The following CCDC7 variants were observed in gnomAD, a reference collection of about 807,000 sequenced individuals.
CCDC7 encodes coiled-coil domain-containing protein 7.
In CCDC7, 183 loss-of-function variants were observed where a neutral mutation model predicts 196.9. The observed-to-expected ratio is 0.93, with a 90% CI of 0.82 to 1.05. The LOEUF is 1.05. Ranked by LOEUF, CCDC7 falls within the 50% of genes least tolerant of loss-of-function variation. The pLI, the probability that CCDC7 is intolerant of heterozygous loss-of-function variation, is 0.00. For missense variants in CCDC7, 1,540 were observed against 1,482.2 expected (o/e 1.04, Z -0.64); for synonymous variants, 525 against 484.6 (o/e 1.08, Z -1.10).
At chr10:32,637,548 G>A (rs11009009) in intron 20 of CCDC7, among the ~76,000 whole-genome samples, 21,006 of 151,996 alleles carry the variant, frequency 0.14, 1,752 homozygotes, top group East Asian at 0.25. Flanking sequence ...GTAGATATGC[G>A]GCATTATTTC....
chr10:32,601,787 T>G (rs975502276), intron 18 of CCDC7, among the ~76,000 whole-genome samples: 4 of 152,094 alleles, frequency 2.6e-5, no homozygotes, highest in African/African-American at 9.7e-5. Context: ...GGATTGTAAA[T>G]GCACCAATCA....
In CCDC7 at chr10:32,726,765, A is replaced by G. The variant is rs765199889; in HGVS notation, c.2601A>G (p.Gln867=). 12 of 1,603,028 alleles carry G rather than the reference A, an allele frequency of 7.5e-6. No individual in the cohort carries two copies. The African/African-American group carries it at 1.2e-4, about 16-fold the overall frequency. Reference sequence around the variant, plus strand: ...ATAAAAATTCTATGTTTGTTCATCAAGATTCAGTGTCAAAACTCCAAATGC... The same window carrying G: ...ATAAAAATTCTATGTTTGTTCATCAGGATTCAGTGTCAAAACTCCAAATGC... Residue 867 remains glutamine, a synonymous_variant, in exon 26 of 42, where the codon CAA becomes CAG. Coordinates refer to ENST00000639629, the Ensembl canonical transcript of CCDC7.
rs2065297508 is a variant in CCDC7 at position 32,634,381 on chromosome 10, T to C, written c.1912+17T>C. 1 of 953,132 alleles carries C rather than the reference T, an allele frequency of 1.0e-6. No homozygotes were observed. Among genetic ancestry groups the C allele is most frequent in the Non-Finnish European group, 1.4e-6 (1 of 734,374 alleles). 59.0% of individuals were successfully genotyped at this position (953,132 alleles called of 1,614,324 possible). A position where few individuals can be genotyped will look rare whatever the true frequency, so the allele number is the denominator to read the frequency against. On this transcript the variant is annotated intron_variant, in intron 19 of 41. Transcript: ENST00000639629. ...GACATGAGGGTAAGTATAATAATTA[T>C]ACATATCTTTACACTATTTTATTTT...
intron 28 of CCDC7, among the ~76,000 whole-genome samples, chr10:32,765,904 A>G (rs1592530637): frequency 6.6e-6 from 1 of 152,086 alleles, no homozygotes; most frequent in South Asian, 2.1e-4. Context: ...GTGAAGAAGC[A>G]GTTTTCTTTT....
At chr10:32,697,678 G>A (rs796237796) in intron 24 of CCDC7, among the ~76,000 whole-genome samples, 9 of 152,254 alleles carry the variant, frequency 5.9e-5, no homozygotes, top group African/African-American at 1.9e-4. Context: ...TGGGAAGCTC[G>A]AACTAGGTGG....
intron 25 of CCDC7, among the ~76,000 whole-genome samples, chr10:32,720,528 A>T (rs1217947714): frequency 1.3e-5 from 2 of 152,112 alleles, no homozygotes; most frequent in Non-Finnish European, 2.9e-5. Flanking sequence ...CCTATGTAAC[A>T]AGCCTGCATG....
intron 41 of CCDC7, among the ~76,000 whole-genome samples, chr10:32,856,727 G>C (rs1000102086): frequency 5.3e-5 from 8 of 152,096 alleles, no homozygotes; most frequent in African/African-American, 1.7e-4. Context: ...AGCCTGAATT[G>C]CAATTGTACC....
At chr10:32,696,773 A>G (rs1591696034) in intron 24 of CCDC7, among the ~76,000 whole-genome samples, 3 of 152,164 alleles carry the variant, frequency 2.0e-5, no homozygotes, top group African/African-American at 4.8e-5. Context: ...TGTGTGCCCA[A>G]TGACTATTTT....
At chr10:32,499,423 T>C (rs970042358) in intron 9 of CCDC7, 4 of 152,168 alleles carry the variant, frequency 2.6e-5, no homozygotes, top group Admixed American at 1.3e-4. Flanking sequence ...AATTATCTTC[T>C]GCTCTTCTGC....
chr10:32,872,350 A>G lies in CCDC7; in HGVS notation c.4112-3997A>G, dbSNP rs2094459672. 2.6e-5 allele frequency among the ~76,000 whole-genome samples: 4 copies of G among 151,856 alleles called. No individual in the cohort carries two copies. The South Asian group carries it at 8.3e-4, about 32-fold the overall frequency. On this transcript the variant is annotated intron_variant, in intron 41 of 41. Coordinates refer to ENST00000639629, the Ensembl canonical transcript of CCDC7. ...GATCTTTGTTGGTTTATCAGAGACT[A>G]GGATTGCAACCCCTGCCTTTTTTTG...
chr10:32,657,197 A>G (rs2070133106), intron 20 of CCDC7, among the ~76,000 whole-genome samples: 1 of 152,148 alleles, frequency 6.6e-6, no homozygotes, highest in Non-Finnish European at 1.5e-5. Flanking sequence ...GCAAGCTGTC[A>G]GTGGATCTTC....
intron 8 of CCDC7, among the ~76,000 whole-genome samples, chr10:32,483,313 G>C (rs1589034547): frequency 1.3e-5 from 2 of 152,180 alleles, no homozygotes. Context: ...AGAAGTGTCT[G>C]TTCATACCTG....
chr10:32,566,056 A>C lies in CCDC7; in HGVS notation c.1197+436A>C, dbSNP rs558566960. On this transcript the variant is annotated intron_variant, in intron 14 of 41. Transcript: ENST00000639629. ...AAATAATACAACAAGAAATGAAAAA[A>C]AGCTATAAGCATTTCATAAATGAAT... Among the ~76,000 whole-genome samples the C allele has an allele frequency of 9.2e-5, 14 of 152,314 alleles. No homozygotes were observed. The South Asian group carries it at 2.7e-3, about 29-fold the overall frequency.
At position 32,472,558 on chromosome 10, in the gene CCDC7, A is replaced by G. The variant is rs769101728; in HGVS notation, c.739+16A>G. The G allele has an allele frequency of 5.9e-6, 9 of 1,537,342 alleles. No homozygotes were observed. The highest frequency in any genetic ancestry group is 7.9e-6 in the Non-Finnish European group (9 of 1,143,250). On this transcript the variant is annotated intron_variant, in intron 7 of 41. Transcript: ENST00000639629. ...AAAATTGAAGGTGATAATATTTTAT[A>G]TATGTTTATCCTTAAAAATTTTATT...
At chr10:32,581,711 T>C (rs1298143712) in intron 16 of CCDC7, among the ~76,000 whole-genome samples, 1 of 152,142 alleles carries the variant, frequency 6.6e-6, no homozygotes, top group Non-Finnish European at 1.5e-5. Flanking sequence ...TTTAAGGCAT[T>C]GTTCTTTGTA....
intron 11 of CCDC7, among the ~76,000 whole-genome samples, chr10:32,541,390 G>A (rs1400973331): frequency 6.7e-6 from 1 of 150,366 alleles, no homozygotes; most frequent in Non-Finnish European, 1.5e-5. Context: ...AGGGGTGGGT[G>A]GGGTCACCTG....
chr10:32,773,951 T>C (rs1342499119), intron 28 of CCDC7, among the ~76,000 whole-genome samples: 1 of 152,220 alleles, frequency 6.6e-6, no homozygotes, highest in Admixed American at 6.6e-5. Context: ...GGAAGACTTA[T>C]AGTGAGCCCT....
intron 8 of CCDC7, among the ~76,000 whole-genome samples, chr10:32,491,617 A>G (rs1460354439): frequency 6.6e-6 from 1 of 152,140 alleles, no homozygotes; most frequent in Non-Finnish European, 1.5e-5. Flanking sequence ...TACTAGATAT[A>G]TAGTATTGAT....
intron 25 of CCDC7, among the ~76,000 whole-genome samples, chr10:32,714,404 C>T (rs979011184): frequency 6.6e-5 from 10 of 152,304 alleles, no homozygotes; most frequent in East Asian, 3.9e-4. Flanking sequence ...CTTCGCATCA[C>T]GCAGACCAGG....
Sources: gnomAD v4.1 joint callset for allele counts (sites outside exome capture counted in the v4.1 genomes callset) on GRCh38, gnomAD v4.1.1 for gene constraint, MANE v1.5 for transcripts, NCBI Gene and HGNC (gene_info 2026-07-23, HGNC 2026-07-21) for gene names.